Variants in SPAG16 observed in about 807,000 individuals in gnomAD.
The protein encoded by SPAG16 is sperm-associated antigen 16 protein.
SPAG16 carries 86 observed loss-of-function variants against 80.4 expected under a neutral mutation model. The observed-to-expected ratio is 1.07, with a 90% CI of 0.90 to 1.28. The LOEUF (loss-of-function observed/expected upper bound fraction) is 1.28. Ranked by LOEUF, SPAG16 falls within the 50% of genes most tolerant of loss-of-function variation. The probability of loss-of-function intolerance (pLI) is 0.00; values close to 1 mark genes in which losing one functional copy is unlikely to be tolerated. For missense variants in SPAG16, 870 were observed against 765.3 expected, an observed-to-expected ratio of 1.14 and a Z score of -1.61; for synonymous variants, 294 against 265.9, an observed-to-expected ratio of 1.11 and a Z score of -1.03.
chr2:213,826,076 T>C (rs1034532532), intron 10 of SPAG16, among the ~76,000 whole-genome samples: 3 of 151,930 alleles, frequency 2.0e-5, no homozygotes, highest in Non-Finnish European at 4.4e-5. Flanking sequence ...ATAATCCTTT[T>C]AATTTCTGTG....
intron 13 of SPAG16, among the ~76,000 whole-genome samples, chr2:214,050,854 A>G (rs1446249894): frequency 1.3e-5 from 2 of 152,202 alleles, no homozygotes; most frequent in East Asian, 1.9e-4. Context: ...GTAAAAAAAG[A>G]TCAACCTGCA....
At chr2:214,057,282 C>T (rs1311144008) in intron 13 of SPAG16, among the ~76,000 whole-genome samples, 1 of 150,904 alleles carries the variant, frequency 6.6e-6, no homozygotes, top group Non-Finnish European at 1.5e-5. Context: ...ACTTAAAAGT[C>T]AAAATTGCTT....
At chr2:214,360,182 C>T (rs1699092933) in intron 15 of SPAG16, among the ~76,000 whole-genome samples, 1 of 151,742 alleles carries the variant, frequency 6.6e-6, no homozygotes, top group South Asian at 2.1e-4. Flanking sequence ...CAGGAGTTTC[C>T]CTTTAATAGC....
chr2:213,543,630 C>G (rs1172609456), intron 10 of SPAG16, among the ~76,000 whole-genome samples: 1 of 151,910 alleles, frequency 6.6e-6, no homozygotes, highest in Non-Finnish European at 1.5e-5. Flanking sequence ...TGGTAATTTT[C>G]CGAGATCTCT....
At chr2:213,807,273 G>T (rs150459638) in intron 10 of SPAG16, among the ~76,000 whole-genome samples, 1 of 152,100 alleles carries the variant, frequency 6.6e-6, no homozygotes, top group Admixed American at 6.5e-5. Context: ...TCTATTTGGA[G>T]GGGGAGATTC....
chr2:213,646,382 A>G (rs1232310551), intron 10 of SPAG16, among the ~76,000 whole-genome samples: 2 of 152,192 alleles, frequency 1.3e-5, no homozygotes, highest in African/African-American at 2.4e-5. Context: ...TGAAGAAAGT[A>G]TTATCAACAA....
At chr2:213,564,142 C>T (rs2059683633) in intron 10 of SPAG16, among the ~76,000 whole-genome samples, 1 of 152,062 alleles carries the variant, frequency 6.6e-6, no homozygotes, top group African/African-American at 2.4e-5. Flanking sequence ...AGGTCTTTTG[C>T]TCTTGCTGAT....
intron 15 of SPAG16, among the ~76,000 whole-genome samples, chr2:214,266,054 C>G (rs1427990709): frequency 1.3e-5 from 2 of 151,980 alleles, no homozygotes; most frequent in South Asian, 4.1e-4. Flanking sequence ...TAAGACACTA[C>G]TTGAAAATTA....
chr2:213,973,366 C>A (rs2045186580), intron 12 of SPAG16, among the ~76,000 whole-genome samples: 1 of 152,034 alleles, frequency 6.6e-6, no homozygotes, highest in Non-Finnish European at 1.5e-5. Context: ...TTGAATAGCA[C>A]CTTCTGTCTC....
intron 10 of SPAG16, among the ~76,000 whole-genome samples, chr2:213,534,450 C>A (rs1253468976): frequency 6.6e-6 from 1 of 152,030 alleles, no homozygotes; most frequent in Non-Finnish European, 1.5e-5. Context: ...TTAATTACGT[C>A]TTTCTTCAAA....
chr2:213,614,280 G>T (rs2061526428), intron 10 of SPAG16, among the ~76,000 whole-genome samples: 1 of 152,086 alleles, frequency 6.6e-6, no homozygotes, highest in African/African-American at 2.4e-5. Context: ...ACTGATTTTT[G>T]TAACAAATTT....
intron 12 of SPAG16, among the ~76,000 whole-genome samples, chr2:213,999,756 C>T (rs1277406517): frequency 6.6e-6 from 1 of 152,244 alleles, no homozygotes; most frequent in Admixed American, 6.5e-5. Context: ...ACCATGGGAA[C>T]CTACCTCTTG....
At chr2:214,229,216 C>T (rs540013026) in intron 15 of SPAG16, among the ~76,000 whole-genome samples, 6 of 151,498 alleles carry the variant, frequency 4.0e-5, no homozygotes, top group South Asian at 4.2e-4. Context: ...AAGGTCACTA[C>T]GATGGGCACA....
intron 10 of SPAG16, among the ~76,000 whole-genome samples, chr2:213,649,039 TTC>T (rs2125139524): frequency 6.6e-6 from 1 of 152,374 alleles, no homozygotes; most frequent in South Asian, 2.1e-4. Flanking sequence ...GTATATTAAA[TTC>T]TCTGTCTTCA....
chr2:213,346,136 T>A (rs2064971522), intron 6 of SPAG16, among the ~76,000 whole-genome samples: 1 of 152,178 alleles, frequency 6.6e-6, no homozygotes. Context: ...TTATTCTCTT[T>A]GAAGCAATTG....
intron 10 of SPAG16, among the ~76,000 whole-genome samples, chr2:213,853,367 A>G (rs1336320997): frequency 6.6e-6 from 1 of 152,208 alleles, no homozygotes; most frequent in Non-Finnish European, 1.5e-5. Flanking sequence ...CCACTACTGG[A>G]AAGAACAATT....
chr2:213,541,461 A>G (rs1000551698), intron 10 of SPAG16, among the ~76,000 whole-genome samples: 1 of 152,084 alleles, frequency 6.6e-6, no homozygotes, highest in Non-Finnish European at 1.5e-5. Flanking sequence ...TCTACTAAAA[A>G]TAACAAAAAT....
At chr2:214,149,645 C>T (rs190932320) in intron 15 of SPAG16, among the ~76,000 whole-genome samples, 17 of 151,998 alleles carry the variant, frequency 1.1e-4, no homozygotes, top group Non-Finnish European at 1.0e-4. Context: ...CAAAAATGAA[C>T]CTGAAATATT....
intron 15 of SPAG16, among the ~76,000 whole-genome samples, chr2:214,222,110 C>CTTTTTTTT (rs10694178): frequency 1.2e-3 from 127 of 103,586 alleles, no homozygotes; most frequent in Non-Finnish European, 1.6e-3. Context: ...CCTTGCTATT[C>CTTTTTTTT]TTTTTTTTTT....
Sources: gnomAD v4.1 joint callset for allele counts (sites outside exome capture counted in the v4.1 genomes callset) on GRCh38, gnomAD v4.1.1 for gene constraint, MANE v1.5 for transcripts, NCBI Gene and HGNC (gene_info 2026-07-23, HGNC 2026-07-21) for gene names.